Variants in KCNK10 observed in about 807,000 individuals in gnomAD.
The protein encoded by KCNK10 is potassium channel subfamily K member 10.
A neutral mutation model predicts 47.7 loss-of-function variants in KCNK10; 25 were observed. That is an observed-to-expected ratio of 0.52 (90% confidence interval 0.38 to 0.73). The LOEUF (loss-of-function observed/expected upper bound fraction) is 0.73. Among genes scored for constraint, KCNK10 ranks in the 30% least tolerant of loss-of-function variants. The probability of loss-of-function intolerance (pLI) is 0.00; values close to 1 mark genes in which losing one functional copy is unlikely to be tolerated. For synonymous variants in KCNK10, 303 were observed against 285.6 expected (o/e 1.06, Z -0.61); for missense variants, 563 against 714.5 (o/e 0.79, Z 2.42).
At position 88,307,852 on chromosome 14, in the gene KCNK10, T is replaced by G. The variant is rs576053164; in HGVS notation, c.52+14895A>C. 2.0e-4 allele frequency among the ~76,000 whole-genome samples: 30 copies of G among 152,280 alleles called. 1 individual carries two copies. Among genetic ancestry groups the G allele is most frequent in the Non-Finnish European group, 4.1e-4 (28 of 68,024 alleles). On this transcript the variant is annotated intron_variant, in intron 1 of 6. Coordinates refer to ENST00000319231, the MANE Select transcript of KCNK10 (RefSeq NM_138317.3). ...CAAATGGGTGTTACCAGCAGCAGCA[T>G]CATTGATGTTTATTAGGTGCCTCCT...
chr14:88,199,987 TTTTCTTTCTTTCTC>T (rs1426230237), intron 4 of KCNK10, among the ~76,000 whole-genome samples: 4 of 151,564 alleles, frequency 2.6e-5, no homozygotes, highest in Non-Finnish European at 5.9e-5. Context: ...CTTTCTTTCT[TTTTCTTTCTTTCTC>T]TTCTTTCCTT....
intron 4 of KCNK10, among the ~76,000 whole-genome samples, chr14:88,195,568 C>G (rs954404934): frequency 1.3e-5 from 2 of 152,096 alleles, no homozygotes; most frequent in African/African-American, 4.8e-5. Context: ...TATTGTATAC[C>G]TCATTGTCAA....
rs761319967 is a variant in KCNK10, at chr14:88,187,996, G to C, written c.982C>G (p.Arg328Gly). 1 of 1,614,120 alleles carries C rather than the reference G, an allele frequency of 6.2e-7. No individual in the cohort carries two copies. The highest frequency in any genetic ancestry group is 8.5e-7 in the Non-Finnish European group (1 of 1,180,040). Residue 328 changes from arginine (R) to glycine (G), a missense_variant, in exon 6 of 7, where the codon CGG becomes GGG. Transcript: ENST00000319231. ...TCTTTTGTCTTTTTGGACAGAACCCGTAGCCAATCTCCGATCATACTGAGG... is the reference window on the plus strand; with the variant it reads ...TCTTTTGTCTTTTTGGACAGAACCCCTAGCCAATCTCCGATCATACTGAGG... ...AVLSMIGDWL[R>G]VLSKKTKEEV...
chr14:88,233,547 G>A (rs577645825), intron 3 of KCNK10, among the ~76,000 whole-genome samples: 1 of 152,350 alleles, frequency 6.6e-6, no homozygotes, highest in East Asian at 1.9e-4. Context: ...ATATGACAAT[G>A]AGGACATGGG....
rs368111650 is a variant in KCNK10 at position 88,230,011 on chromosome 14, G to A, written c.521-2476C>T. The stretch of plus-strand genomic sequence containing the variant: ...CTATTTACCAACTCTCAGGTCATAG[G>A]CACATTCTTAATCTCTCTCCCTCAC... On this transcript the variant is annotated intron_variant, in intron 3 of 6. Coordinates refer to ENST00000319231, the MANE Select transcript of KCNK10 (RefSeq NM_138317.3). 1.8e-4 allele frequency among the ~76,000 whole-genome samples: 27 copies of A among 152,238 alleles called. 1 individual carries two copies. Among genetic ancestry groups the A allele is most frequent in the African/African-American group, 6.5e-4 (27 of 41,544 alleles).
At chr14:88,290,196 G>A (rs1277625925) in intron 1 of KCNK10, among the ~76,000 whole-genome samples, 1 of 152,106 alleles carries the variant, frequency 6.6e-6, no homozygotes, top group South Asian at 2.1e-4. Flanking sequence ...AATCACAAGG[G>A]GGAGCGGGAG....
At chr14:88,204,963 T>C (rs1885220282) in intron 4 of KCNK10, among the ~76,000 whole-genome samples, 1 of 152,234 alleles carries the variant, frequency 6.6e-6, no homozygotes, top group South Asian at 2.1e-4. Flanking sequence ...TGGACAAACG[T>C]CTGATGACAT....
At chr14:88,249,851 A>G (rs1344252823) in intron 2 of KCNK10, among the ~76,000 whole-genome samples, 1 of 152,190 alleles carries the variant, frequency 6.6e-6, no homozygotes, top group Non-Finnish European at 1.5e-5. Flanking sequence ...GGGTGGAGGC[A>G]TCTTGCATTT....
At chr14:88,247,794 G>A (rs1034765254) in intron 2 of KCNK10, among the ~76,000 whole-genome samples, 2 of 152,092 alleles carry the variant, frequency 1.3e-5, no homozygotes, top group African/African-American at 2.4e-5. Context: ...ATTCACTAAC[G>A]ACTAATCTAT....
intron 3 of KCNK10, 86 bp downstream of exon 3, chr14:88,240,617 T>C (rs962967003): frequency 2.9e-5 from 24 of 833,134 alleles, no homozygotes; most frequent in Non-Finnish European, 5.0e-5. Flanking sequence ...CAAACTATAG[T>C]GTATGCTATG....
chr14:88,230,046 C>G (rs536873309), intron 3 of KCNK10, among the ~76,000 whole-genome samples: 1 of 152,258 alleles, frequency 6.6e-6, no homozygotes, highest in South Asian at 2.1e-4. Context: ...CTTTCTTCAT[C>G]AAAAGACAAG....
intron 3 of KCNK10, among the ~76,000 whole-genome samples, chr14:88,240,017 A>T (rs10147868): frequency 1.3e-5 from 2 of 151,934 alleles, no homozygotes; most frequent in Non-Finnish European, 2.9e-5. Context: ...AGAGGTCATC[A>T]CTGTTCACTC....
intron 4 of KCNK10, among the ~76,000 whole-genome samples, chr14:88,217,018 A>G (rs1463744524): frequency 2.0e-5 from 3 of 152,126 alleles, no homozygotes; most frequent in Non-Finnish European, 4.4e-5. Flanking sequence ...TTAGCCAGGC[A>G]TGGTGGCACG....
chr14:88,193,206 C>A (rs945440252), intron 4 of KCNK10, among the ~76,000 whole-genome samples: 4 of 152,126 alleles, frequency 2.6e-5, no homozygotes, highest in African/African-American at 7.2e-5. Flanking sequence ...TCCTTTGGGG[C>A]TTTGAAATTT....
intron 1 of KCNK10, among the ~76,000 whole-genome samples, chr14:88,298,288 C>G (rs536896555): frequency 4.6e-5 from 7 of 152,284 alleles, no homozygotes; most frequent in East Asian, 1.9e-4. Flanking sequence ...AAAAGCCAAA[C>G]AGAAATTGTA....
chr14:88,263,526 C>T lies in KCNK10; in HGVS notation c.78G>A (p.Val26=), dbSNP rs780369032. 6.2e-7 allele frequency: 1 copy of T among 1,612,376 alleles called. No homozygotes were observed. The highest frequency in any genetic ancestry group is 2.2e-5 in the East Asian group (1 of 44,882). The change falls in exon 2 of 7, where the codon GTG becomes GTA. Residue 26 remains valine, a synonymous_variant. Coordinates refer to ENST00000319231, the MANE Select transcript of KCNK10 (RefSeq NM_138317.3). ...PKVAVPAAAP[V]CQPKSATNGQ... ...CGTTAGTGGCGCTCTTGGGCTGGCACACCGGTGCTGCTGCGGGAACGGCCA... is the reference window on the plus strand; with the variant it reads ...CGTTAGTGGCGCTCTTGGGCTGGCATACCGGTGCTGCTGCGGGAACGGCCA...
At chr14:88,239,730 G>A (rs375596696) in intron 3 of KCNK10, among the ~76,000 whole-genome samples, 90 of 151,972 alleles carry the variant, frequency 5.9e-4, no homozygotes, top group African/African-American at 2.1e-3. Flanking sequence ...ATGGTGGTGG[G>A]CGCCTGTAAT....
chr14:88,233,514 C>T (rs1886211422), intron 3 of KCNK10, among the ~76,000 whole-genome samples: 1 of 152,128 alleles, frequency 6.6e-6, no homozygotes, highest in South Asian at 2.1e-4. Flanking sequence ...GGGGACAAAG[C>T]ATGGGGAAGG....
intron 3 of KCNK10, among the ~76,000 whole-genome samples, chr14:88,231,156 T>C (rs940561484): frequency 6.6e-6 from 1 of 152,064 alleles, no homozygotes; most frequent in African/African-American, 2.4e-5. Context: ...GGTGCACAAC[T>C]ATAGTTCCAG....
Sources: gnomAD v4.1 joint callset for allele counts (sites outside exome capture counted in the v4.1 genomes callset) on GRCh38, gnomAD v4.1.1 for gene constraint, MANE v1.5 for transcripts, NCBI Gene and HGNC (gene_info 2026-07-23, HGNC 2026-07-21) for gene names.